Variants in KCNIP4 observed in about 807,000 individuals in gnomAD.
KCNIP4 encodes the protein potassium voltage-gated channel interacting protein 4, also known as Kv channel-interacting protein 4.
In KCNIP4, 12 loss-of-function variants were observed where a neutral mutation model predicts 34.0. That is an observed-to-expected ratio of 0.35 (90% CI 0.23 to 0.57). The LOEUF (loss-of-function observed/expected upper bound fraction) is 0.57, where lower values mean the gene tolerates loss of function less well. Among genes scored for constraint, KCNIP4 ranks in the 20% least tolerant of loss-of-function variants. The pLI is 0.83. For synonymous variants in KCNIP4, 124 were observed against 102.2 expected (o/e 1.21, Z -1.29); for missense variants, 238 against 311.7 (o/e 0.76, Z 1.78).
intron 1 of KCNIP4, among the ~76,000 whole-genome samples, chr4:21,321,625 C>T (rs1714426588): frequency 7.8e-6 from 1 of 128,634 alleles, no homozygotes. Flanking sequence ...AATAAAAGAA[C>T]AGGAGTATGA....
chr4:21,582,067 G>T (rs1183663394), intron 1 of KCNIP4: 1 of 133,208 alleles, frequency 7.5e-6, no homozygotes, highest in Non-Finnish European at 1.8e-5. Flanking sequence ...GGAATGGAAT[G>T]GAATGGAATG....
chr4:21,776,733 T>G (rs1417557033), intron 1 of KCNIP4, among the ~76,000 whole-genome samples: 1 of 152,036 alleles, frequency 6.6e-6, no homozygotes, highest in East Asian at 1.9e-4. Flanking sequence ...TTCATGCTGT[T>G]TTTGTGATAG....
intron 8 of KCNIP4, chr4:20,731,656 T>C: frequency 1.0e-6 from 1 of 985,266 alleles, no homozygotes. Flanking sequence ...TGTGGAGATA[T>C]GATAGATAAT....
At chr4:21,707,046 G>C (rs1270666270) in intron 1 of KCNIP4, among the ~76,000 whole-genome samples, 2 of 152,140 alleles carry the variant, frequency 1.3e-5, no homozygotes, top group African/African-American at 4.8e-5. Context: ...ATCAACTTTG[G>C]TTATAGCTCT....
At chr4:20,804,787 T>C (rs544967830) in intron 3 of KCNIP4, among the ~76,000 whole-genome samples, 2 of 152,316 alleles carry the variant, frequency 1.3e-5, no homozygotes, top group African/African-American at 2.4e-5. Context: ...AGGTCTATAG[T>C]TGGATAACGG....
rs1318676863 is a variant in KCNIP4 at position 21,107,238 on chromosome 4, T to G, written c.62-224529A>C. 2.7e-3 allele frequency among the ~76,000 whole-genome samples: 397 copies of G among 145,756 alleles called. 8 individuals are homozygous for G. The highest frequency in any genetic ancestry group is 9.7e-3 in the African/African-American group (360 of 37,230). On this transcript the variant is annotated intron_variant, in intron 1 of 8. Coordinates refer to ENST00000382152, the MANE Select transcript of KCNIP4 (RefSeq NM_025221.6). ...TTTTTATTGTGTGGGAGTCTAAGTC[T>G]CTTTGTAGGTCACTCAGGACTTGCT...
At chr4:20,784,103 TAA>T (rs1711600135) in intron 3 of KCNIP4, among the ~76,000 whole-genome samples, 1 of 152,186 alleles carries the variant, frequency 6.6e-6, no homozygotes, top group Admixed American at 6.5e-5. Flanking sequence ...TAAAACAATA[TAA>T]GTCTGTCTCT....
chr4:20,838,540 T>C (rs10938808), intron 3 of KCNIP4, among the ~76,000 whole-genome samples: 59,319 of 152,082 alleles, frequency 0.39, 12,102 homozygotes, highest in Non-Finnish European at 0.46. Flanking sequence ...TGACTAAGTT[T>C]GAGCCCTTAA....
intron 1 of KCNIP4, among the ~76,000 whole-genome samples, chr4:21,052,770 C>T (rs1192481857): frequency 6.6e-6 from 1 of 152,150 alleles, no homozygotes; most frequent in Non-Finnish European, 1.5e-5. Context: ...TGACTTGAAT[C>T]AGAGTCACAT....
chr4:20,777,265 G>A (rs773709570), intron 3 of KCNIP4, among the ~76,000 whole-genome samples: 2 of 152,154 alleles, frequency 1.3e-5, no homozygotes, highest in Non-Finnish European at 2.9e-5. Flanking sequence ...AAAACCATCA[G>A]CTCTTGTGAG....
At chr4:21,567,780 G>A (rs1740028689) in intron 1 of KCNIP4, among the ~76,000 whole-genome samples, 1 of 152,082 alleles carries the variant, frequency 6.6e-6, no homozygotes, top group African/African-American at 2.4e-5. Context: ...AAGTTACTTT[G>A]TAGTCACGAC....
chr4:21,538,217 C>T lies in KCNIP4; in HGVS notation c.61+410354G>A, dbSNP rs556032096. The stretch of plus-strand genomic sequence containing the variant: ...TACAGCATGTTTAGAAGTAGTATGT[C>T]CCACCAACACCTTGATCTTAGACTT... On this transcript the variant is annotated intron_variant, in intron 1 of 8. Coordinates refer to ENST00000382152, the MANE Select transcript of KCNIP4 (RefSeq NM_025221.6). Among the ~76,000 whole-genome samples the T allele has an allele frequency of 3.3e-5, 5 of 152,038 alleles. No homozygotes were observed. The South Asian group carries it at 8.3e-4, about 25-fold the overall frequency.
intron 1 of KCNIP4, among the ~76,000 whole-genome samples, chr4:20,908,355 C>T (rs1030780139): frequency 5.9e-5 from 9 of 152,210 alleles, no homozygotes; most frequent in African/African-American, 1.7e-4. Context: ...GCCTCAGCCT[C>T]CCAAAGTGGG....
intron 1 of KCNIP4, among the ~76,000 whole-genome samples, chr4:21,867,206 A>T (rs751028391): frequency 6.6e-6 from 1 of 152,202 alleles, no homozygotes; most frequent in Non-Finnish European, 1.5e-5. Flanking sequence ...ACATATTGCA[A>T]ATACTAGAGG....
intron 1 of KCNIP4, among the ~76,000 whole-genome samples, chr4:21,498,580 T>C (rs1220001838): frequency 6.6e-6 from 1 of 152,258 alleles, no homozygotes; most frequent in Admixed American, 6.5e-5. Context: ...TCCTTAGATA[T>C]GCTAATGCAA....
At chr4:21,025,150 G>C (rs929736784) in intron 1 of KCNIP4, among the ~76,000 whole-genome samples, 3 of 152,104 alleles carry the variant, frequency 2.0e-5, no homozygotes, top group African/African-American at 7.2e-5. Flanking sequence ...AAGTCATATA[G>C]TCAGCATCAT....
Position 21,492,626 on chromosome 4 carries a change from G to T in KCNIP4, c.61+455945C>A, listed in dbSNP as rs564072276. 3.3e-5 allele frequency among the ~76,000 whole-genome samples: 5 copies of T among 152,222 alleles called. No homozygotes were observed. In the South Asian group the frequency reaches 1.0e-3, roughly 32 times the overall value. On this transcript the variant is annotated intron_variant, in intron 1 of 8. Transcript: ENST00000382152. ...ATATGTGTGACTAGTTGATTGAATG[G>T]TCTTAACTTCTTGAGGCATAACAGA...
intron 1 of KCNIP4, among the ~76,000 whole-genome samples, chr4:20,940,038 C>G (rs7667988): frequency 5.3e-5 from 8 of 152,184 alleles, no homozygotes; most frequent in Non-Finnish European, 8.8e-5. Flanking sequence ...TTTCTTACAA[C>G]TGCCTGACTT....
chr4:20,731,992 C>G lies in KCNIP4; in HGVS notation c.705+14G>C. ...GATAGCTGAATTGATAGTTATTACA[C>G]TTTCATTACTTACTTTTTGGCAGCT... On this transcript the variant is annotated intron_variant, in intron 8 of 8. Transcript: ENST00000382152. 2 of 1,612,934 alleles carry G rather than the reference C, an allele frequency of 1.2e-6. No individual in the cohort carries two copies. The highest frequency in any genetic ancestry group is 1.7e-6 in the Non-Finnish European group (2 of 1,179,604).
Sources: gnomAD v4.1 joint callset for allele counts (sites outside exome capture counted in the v4.1 genomes callset) on GRCh38, gnomAD v4.1.1 for gene constraint, MANE v1.5 for transcripts, NCBI Gene and HGNC (gene_info 2026-07-23, HGNC 2026-07-21) for gene names.